The following MLLT3 variants were observed in gnomAD, a reference collection of about 807,000 sequenced individuals.
MLLT3 encodes protein AF-9.
Under a neutral mutation model 53.2 loss-of-function variants are expected in MLLT3, and 4 were observed. The ratio of observed to expected loss-of-function variants is 0.08; its 90% CI spans 0.04 to 0.17. MLLT3 has a LOEUF of 0.17. Among genes scored for constraint, MLLT3 ranks in the 10% least tolerant of loss-of-function variants. MLLT3 has a pLI of 1.00. For synonymous variants in MLLT3, 283 were observed against 230.6 expected, an observed-to-expected ratio of 1.23 and a Z score of -2.06; for missense variants, 569 against 684.0, an observed-to-expected ratio of 0.83 and a Z score of 1.87.
At chr9:20,431,319 GC>G (rs1823263029) in intron 4 of MLLT3, among the ~76,000 whole-genome samples, 1 of 152,048 alleles carries the variant, frequency 6.6e-6, no homozygotes, top group African/African-American at 2.4e-5. Context: ...AAGAATCTCT[GC>G]AGCTGGGCCC....
chr9:20,385,279 G>C (rs974576375), intron 5 of MLLT3, among the ~76,000 whole-genome samples: 4 of 151,998 alleles, frequency 2.6e-5, no homozygotes, highest in African/African-American at 7.2e-5. Flanking sequence ...TGTGACAGTA[G>C]TATTATTTGA....
intron 4 of MLLT3, among the ~76,000 whole-genome samples, chr9:20,433,158 G>A (rs1475955781): frequency 6.6e-6 from 1 of 152,044 alleles, no homozygotes; most frequent in Non-Finnish European, 1.5e-5. Flanking sequence ...GGGGCTGGGA[G>A]CCACCAAAAG....
chr9:20,350,330 T>C (rs1172550627), intron 10 of MLLT3, among the ~76,000 whole-genome samples: 2 of 152,100 alleles, frequency 1.3e-5, no homozygotes, highest in Non-Finnish European at 1.5e-5. Flanking sequence ...GCGCGGTGGC[T>C]CACGCCTGTA....
rs1160430093 is a variant in MLLT3 at position 20,342,565 on chromosome 9, A to T, written c.*3878T>A. The T allele has an allele frequency of 4.5e-6, 1 of 220,532 alleles. No individual in the cohort carries two copies. The highest frequency in any genetic ancestry group is 2.2e-5 in the African/African-American group (1 of 44,498). 13.7% of individuals were successfully genotyped at this position (220,532 alleles called of 1,614,324 possible). A position where few individuals can be genotyped will look rare whatever the true frequency, so the allele number is the denominator to read the frequency against. On this transcript the variant is annotated 3_prime_UTR_variant, in exon 11 of 11. Coordinates refer to ENST00000380338, the MANE Select transcript of MLLT3 (RefSeq NM_004529.4). ...TACAAGTGCCAAAATACACATTTAC[A>T]GTTTACAGACAGCGGTGGCTTTGTC... is the stretch of plus-strand genomic sequence containing the variant.
chr9:20,616,570 C>T (rs1001779341), intron 2 of MLLT3, among the ~76,000 whole-genome samples: 3 of 152,046 alleles, frequency 2.0e-5, no homozygotes, highest in South Asian at 4.1e-4. Context: ...GTTTGATGCC[C>T]GCTAATGCAA....
At chr9:20,365,274 T>C (rs866754024) in intron 6 of MLLT3, among the ~76,000 whole-genome samples, 10 of 152,238 alleles carry the variant, frequency 6.6e-5, no homozygotes, top group Non-Finnish European at 1.3e-4. Flanking sequence ...AGCCAAGTTA[T>C]GATTCGAATA....
At position 20,536,146 on chromosome 9, in the gene MLLT3, G is replaced by A. The variant is rs969366029; in HGVS notation, c.194-79360C>T. Among the ~76,000 whole-genome samples, 11 of 152,028 alleles carry A rather than the reference G, an allele frequency of 7.2e-5. No individual in the cohort carries two copies. The South Asian group carries it at 2.3e-3, about 32-fold the overall frequency. ...TATGCTTTGTCATTAATTCAGCCAT[G>A]CGACTACCATTACTACCAGCATCTT... On this transcript the variant is annotated intron_variant, in intron 2 of 10. Transcript: ENST00000380338.
intron 5 of MLLT3, among the ~76,000 whole-genome samples, chr9:20,390,934 G>A (rs775429462): frequency 9.2e-5 from 14 of 152,176 alleles, no homozygotes; most frequent in Non-Finnish European, 2.1e-4. Context: ...GCAACATAGT[G>A]AAATCCCATC....
intron 2 of MLLT3, among the ~76,000 whole-genome samples, chr9:20,458,613 C>T (rs1824029453): frequency 6.6e-6 from 1 of 151,710 alleles, no homozygotes; most frequent in African/African-American, 2.4e-5. Context: ...GCTCTCTTGC[C>T]CCTTCCTCTA....
chr9:20,620,501 G>A lies in MLLT3; in HGVS notation c.193+153C>T, dbSNP rs1419724499. ...CGCGCGCGCGGGCAGGCGGGAGCCG[G>A]GACCTGGCCCGCGCGGCGCCGCGCA... On this transcript the variant is annotated intron_variant, in intron 2 of 10. Coordinates refer to ENST00000380338, the MANE Select transcript of MLLT3 (RefSeq NM_004529.4). This position sits in a 1 kb window ranked among gnomAD's most constrained non-coding sequence, Gnocchi z 6.1. Among the ~76,000 whole-genome samples, 1 of 150,818 alleles carries A rather than the reference G, an allele frequency of 6.6e-6. No individual in the cohort carries two copies. The highest frequency in any genetic ancestry group is 1.5e-5 in the Non-Finnish European group (1 of 67,648).
intron 2 of MLLT3, among the ~76,000 whole-genome samples, chr9:20,467,024 A>G (rs145692445): frequency 1.8e-3 from 281 of 152,336 alleles, no homozygotes; most frequent in African/African-American, 6.2e-3. Flanking sequence ...TATATATGAA[A>G]CATTCCACAG....
intron 5 of MLLT3, among the ~76,000 whole-genome samples, chr9:20,368,654 T>C (rs954752235): frequency 1.5e-4 from 23 of 152,236 alleles, no homozygotes; most frequent in African/African-American, 5.5e-4. Flanking sequence ...TACCCATAAA[T>C]AAGGTTAATA....
At chr9:20,424,002 A>G (rs907976830) in intron 4 of MLLT3, among the ~76,000 whole-genome samples, 1 of 152,166 alleles carries the variant, frequency 6.6e-6, no homozygotes, top group Non-Finnish European at 1.5e-5. Context: ...TATAACAACT[A>G]TTTACATAGC....
At chr9:20,578,484 C>A (rs1379981344) in intron 2 of MLLT3, among the ~76,000 whole-genome samples, 1 of 151,722 alleles carries the variant, frequency 6.6e-6, no homozygotes, top group East Asian at 1.9e-4. Flanking sequence ...TCAAGACCAG[C>A]CTGGTCAACA....
At chr9:20,398,719 C>A (rs1359306519) in intron 5 of MLLT3, among the ~76,000 whole-genome samples, 1 of 152,044 alleles carries the variant, frequency 6.6e-6, no homozygotes, top group African/African-American at 2.4e-5. Flanking sequence ...TCTTTCACTG[C>A]AACATCCTGT....
intron 2 of MLLT3, among the ~76,000 whole-genome samples, chr9:20,480,746 C>T (rs1399653384): frequency 6.6e-6 from 1 of 152,148 alleles, no homozygotes; most frequent in East Asian, 1.9e-4. Flanking sequence ...CCTTTGTACA[C>T]TTTTGGAAGT....
At chr9:20,493,349 G>T (rs1164456216) in intron 2 of MLLT3, among the ~76,000 whole-genome samples, 1 of 151,868 alleles carries the variant, frequency 6.6e-6, no homozygotes, top group East Asian at 1.9e-4. Flanking sequence ...ATAGAACCAG[G>T]TTAATCTGAC....
chr9:20,439,451 G>C (rs1207323830), intron 4 of MLLT3, among the ~76,000 whole-genome samples: 2 of 144,754 alleles, frequency 1.4e-5, no homozygotes, highest in Admixed American at 6.8e-5. Flanking sequence ...AAAAAAAAAA[G>C]CTAGTACATC....
At chr9:20,464,804 A>G (rs967152066) in intron 2 of MLLT3, among the ~76,000 whole-genome samples, 1 of 152,116 alleles carries the variant, frequency 6.6e-6, no homozygotes. Context: ...TTCTTCCTGT[A>G]TAACTGAGGT....
Sources: allele counts gnomAD v4.1 joint callset (sites outside exome capture counted in the v4.1 genomes callset), GRCh38; gene constraint gnomAD v4.1.1; non-coding constraint Gnocchi (gnomAD v3.1); transcripts MANE v1.5; gene names NCBI Gene and HGNC (gene_info 2026-07-23, HGNC 2026-07-21).